LIN54: variants seen among roughly 807,000 people sequenced by gnomAD.
LIN54 encodes protein lin-54 homolog.
A neutral mutation model predicts 78.7 loss-of-function variants in LIN54; 9 were observed. The observed-to-expected ratio is 0.11, with a 90% CI of 0.07 to 0.20. The LOEUF (loss-of-function observed/expected upper bound fraction) is 0.20, where lower values mean the gene tolerates loss of function less well. LIN54 is among the 10% of genes least tolerant of loss of function. The pLI, the probability that LIN54 is intolerant of heterozygous loss-of-function variation, is 1.00. For synonymous variants in LIN54, 269 were observed against 318.4 expected, an observed-to-expected ratio of 0.84 and a Z score of 1.65; for missense variants, 573 against 889.9, an observed-to-expected ratio of 0.64 and a Z score of 4.53.
At chr4:83,005,540 A>G (rs2126114437) in intron 1 of LIN54, among the ~76,000 whole-genome samples, 1 of 151,784 alleles carries the variant, frequency 6.6e-6, no homozygotes, top group East Asian at 1.9e-4. Context: ...TACGAGAATC[A>G]CTTGAACACG....
chr4:82,944,837 A>C (rs776462859), intron 5 of LIN54: 1 of 152,190 alleles, frequency 6.6e-6, no homozygotes, highest in Non-Finnish European at 1.5e-5. Flanking sequence ...CACGACCTTC[A>C]GACTACCCTC....
chr4:82,975,833 A>G (rs1259957948), intron 3 of LIN54, among the ~76,000 whole-genome samples: 1 of 152,190 alleles, frequency 6.6e-6, no homozygotes, highest in African/African-American at 2.4e-5. Context: ...TGACTAATGG[A>G]TAACTCAAAG....
intron 4 of LIN54, among the ~76,000 whole-genome samples, chr4:82,948,711 AG>A (rs1444395125): frequency 6.7e-6 from 1 of 150,174 alleles, no homozygotes; most frequent in African/African-American, 2.5e-5. Context: ...ACCCCCACCC[AG>A]TAACCAGTTT....
At position 82,938,389 on chromosome 4, in the gene LIN54, T is replaced by C. The variant is rs777449605; in HGVS notation, c.1532+24A>G. The stretch of plus-strand genomic sequence containing the variant: ...GCATTTAAGCTGATCTAACAACTTA[T>C]GTACCTATTTTCAAAATACTCACCC... On this transcript the variant is annotated intron_variant, in intron 8 of 12. Transcript: ENST00000340417. The C allele has an allele frequency of 6.2e-6, 8 of 1,280,438 alleles. No homozygotes were observed. The East Asian group carries it at 6.9e-5, about 11-fold the overall frequency. 79.3% of individuals were successfully genotyped at this position (1,280,438 alleles called of 1,614,324 possible).
chr4:82,955,625 A>G (rs139624956), intron 4 of LIN54, among the ~76,000 whole-genome samples: 241 of 152,246 alleles, frequency 1.6e-3, no homozygotes, highest in African/African-American at 5.5e-3. Flanking sequence ...TAGGTATTTA[A>G]TAACATTAAA....
chr4:82,976,699 C>A (rs1726193119), intron 3 of LIN54, among the ~76,000 whole-genome samples: 2 of 152,022 alleles, frequency 1.3e-5, no homozygotes, highest in South Asian at 4.1e-4. Context: ...CAGGGCGAGA[C>A]TCCGTCTTAA....
intron 1 of LIN54, among the ~76,000 whole-genome samples, chr4:83,003,128 C>T (rs1729009881): frequency 6.6e-6 from 1 of 152,184 alleles, no homozygotes; most frequent in African/African-American, 2.4e-5. Context: ...ATTCTCCCGC[C>T]TCAGCCTCCT....
chr4:82,951,703 T>A (rs1487404238), intron 4 of LIN54, among the ~76,000 whole-genome samples: 1 of 152,186 alleles, frequency 6.6e-6, no homozygotes, highest in Non-Finnish European at 1.5e-5. Context: ...CTATACCTCA[T>A]TCCTTTTAAC....
Position 82,946,321 on chromosome 4 carries a change from C to T in LIN54, c.1105G>A (p.Ala369Thr), listed in dbSNP as rs1723358385. The change falls in exon 5 of 13, where the codon GCC becomes ACC. Residue 369 changes from alanine (A) to threonine (T), a missense_variant. By Grantham distance (58) the Ala-to-Thr change is moderately conservative. This residue lies in a region of LIN54 where 199 missense variants were observed against 260.9 expected (regional missense o/e 0.76). Transcript: ENST00000340417. The stretch of plus-strand genomic sequence containing the variant: ...CTAACTGGCTGGGTTGAGCTACTGG[C>T]TGATGTGGCAGTAACAAGTCGGACA... ...HYVRLVTATS[A>T]SSSTQPVSQN... The T allele has an allele frequency of 1.2e-6, 2 of 1,614,062 alleles. No individual in the cohort carries two copies. The highest frequency in any genetic ancestry group is 3.3e-5 in the Admixed American group (2 of 59,996).
At chr4:82,976,384 A>C (rs1726163050) in intron 3 of LIN54, among the ~76,000 whole-genome samples, 1 of 68,258 alleles carries the variant, frequency 1.5e-5, no homozygotes, top group African/African-American at 1.0e-4. Context: ...AAAATCATCA[A>C]AAAAAAAAAA....
chr4:82,999,546 G>A (rs1728552670), intron 1 of LIN54, among the ~76,000 whole-genome samples: 1 of 151,950 alleles, frequency 6.6e-6, no homozygotes. Flanking sequence ...GGAGGCTGAG[G>A]CAGGCAGATC....
chr4:82,997,326 T>C (rs1328327081), intron 1 of LIN54, among the ~76,000 whole-genome samples: 1 of 152,120 alleles, frequency 6.6e-6, no homozygotes, highest in African/African-American at 2.4e-5. Flanking sequence ...ACTAACAAAC[T>C]GAGAAACTCC....
At chr4:82,952,014 TAAAAAAAAC>T (rs2126050990) in intron 4 of LIN54, among the ~76,000 whole-genome samples, 1 of 151,726 alleles carries the variant, frequency 6.6e-6, no homozygotes, top group East Asian at 1.9e-4. Context: ...AAGCTAAAAC[TAAAAAAAAC>T]TCTTAGAAGA....
At chr4:82,968,501 A>C (rs1402734168) in intron 4 of LIN54, among the ~76,000 whole-genome samples, 1 of 151,996 alleles carries the variant, frequency 6.6e-6, no homozygotes, top group African/African-American at 2.4e-5. Flanking sequence ...TAAGATACTG[A>C]ACCTCTTTCA....
At chr4:82,970,246 T>C (rs2126070499) in intron 4 of LIN54, 81 bp downstream of exon 4, 2 of 1,296,998 alleles carry the variant, frequency 1.5e-6, no homozygotes, top group Non-Finnish European at 1.1e-6. Flanking sequence ...TGTACTAAAA[T>C]TGAAGTATCT....
intron 2 of LIN54, among the ~76,000 whole-genome samples, chr4:82,979,410 A>C (rs1479467525): frequency 6.6e-6 from 1 of 152,214 alleles, no homozygotes; most frequent in African/African-American, 2.4e-5. Context: ...ACCTATATAC[A>C]CAATTACATT....
intron 2 of LIN54, among the ~76,000 whole-genome samples, chr4:82,982,014 G>A (rs1726707657): frequency 6.6e-6 from 1 of 151,980 alleles, no homozygotes; most frequent in East Asian, 1.9e-4. Flanking sequence ...GTGACAGAGA[G>A]ACCTGTCTCA....
chr4:82,994,455 TG>T (rs1418906627), intron 1 of LIN54, among the ~76,000 whole-genome samples: 6 of 152,042 alleles, frequency 3.9e-5, no homozygotes, highest in Admixed American at 3.9e-4. Context: ...TGGAGTGCAG[TG>T]GCGCAATCTG....
Position 82,939,756 on chromosome 4 carries a change from A to G in LIN54, c.1243-20T>C, listed in dbSNP as rs1473076328. Reference sequence around the variant, plus strand: ...AACAACCTAAAAAGAAGGGACATATATCAATGACCACAAAATAAATTTTAC... The same window carrying G: ...AACAACCTAAAAAGAAGGGACATATGTCAATGACCACAAAATAAATTTTAC... On this transcript the variant is annotated intron_variant, in intron 6 of 12. Transcript: ENST00000340417. 1 of 1,613,378 alleles carries G rather than the reference A, an allele frequency of 6.2e-7. No homozygotes were observed. Among genetic ancestry groups the G allele is most frequent in the Non-Finnish European group, 8.5e-7 (1 of 1,179,244 alleles).
Sources: gnomAD v4.1 joint callset for allele counts (sites outside exome capture counted in the v4.1 genomes callset) on GRCh38, gnomAD v4.1.1 for gene constraint, gnomAD v4.1.1 regional missense constraint, MANE v1.5 for transcripts, NCBI Gene and HGNC (gene_info 2026-07-23, HGNC 2026-07-21) for gene names.